The following TMTC2 variants were observed in gnomAD, a reference collection of about 807,000 sequenced individuals.
TMTC2 encodes protein O-mannosyl-transferase TMTC2.
Under a neutral mutation model 82.4 loss-of-function variants are expected in TMTC2, and 43 were observed. The ratio of observed to expected loss-of-function variants is 0.52; its 90% CI spans 0.41 to 0.67. The LOEUF is 0.67. Among genes scored for constraint, TMTC2 ranks in the 30% least tolerant of loss-of-function variants. TMTC2 has a pLI of 0.00. For synonymous variants in TMTC2, 408 were observed against 381.9 expected, an observed-to-expected ratio of 1.07 and a Z score of -0.80; for missense variants, 919 against 1,012.4, an observed-to-expected ratio of 0.91 and a Z score of 1.25.
chr12:83,026,525 A>G (rs1006856482), intron 8 of TMTC2, among the ~76,000 whole-genome samples: 5 of 152,154 alleles, frequency 3.3e-5, no homozygotes, highest in African/African-American at 1.2e-4. Context: ...TTATCAAGAC[A>G]CACTACAGAG....
At chr12:82,967,027 A>G (rs753169591) in intron 7 of TMTC2, 30 bp downstream of exon 7, 3 of 1,545,882 alleles carry the variant, frequency 1.9e-6, no homozygotes, top group Non-Finnish European at 2.7e-6. Context: ...TTTTAAATTG[A>G]TATTTCAGGG....
intron 3 of TMTC2, among the ~76,000 whole-genome samples, chr12:82,906,601 A>G (rs772445371): frequency 2.0e-5 from 3 of 152,216 alleles, no homozygotes; most frequent in Admixed American, 6.5e-5. Context: ...AGGCAGGAGT[A>G]TTGCTTGAAC....
At chr12:82,709,412 C>G (rs188798806) in intron 1 of TMTC2, among the ~76,000 whole-genome samples, 5 of 152,154 alleles carry the variant, frequency 3.3e-5, no homozygotes, top group Admixed American at 6.5e-5. Context: ...AAAATGCTGC[C>G]TTGGATATGA....
intron 1 of TMTC2, among the ~76,000 whole-genome samples, chr12:82,726,353 A>G (rs1219816884): frequency 6.6e-6 from 1 of 152,208 alleles, no homozygotes; most frequent in Admixed American, 6.5e-5. Flanking sequence ...AAGCATACCT[A>G]CCAGATGATA....
At chr12:82,976,417 T>C (rs1878676286) in intron 7 of TMTC2, among the ~76,000 whole-genome samples, 2 of 152,112 alleles carry the variant, frequency 1.3e-5, no homozygotes, top group Admixed American at 6.6e-5. Context: ...AAACACATAT[T>C]TTTTTCCATG....
In TMTC2 at chr12:83,130,599, G is replaced by A. The variant is rs952347139; in HGVS notation, c.2332-1611G>A. 4.6e-5 allele frequency among the ~76,000 whole-genome samples: 7 copies of A among 152,242 alleles called. No homozygotes were observed. In the South Asian group the frequency reaches 1.5e-3, roughly 32 times the overall value. On this transcript the variant is annotated intron_variant, in intron 11 of 11. Transcript: ENST00000321196. ...TAGTTGAAGATTTAAGGGAATTTTA[G>A]TATCTATATCCAGAGACATATGTAG...
chr12:82,837,374 G>A (rs1485825768), intron 1 of TMTC2, among the ~76,000 whole-genome samples: 1 of 152,170 alleles, frequency 6.6e-6, no homozygotes, highest in Non-Finnish European at 1.5e-5. Flanking sequence ...TTGGGAGGCT[G>A]AGGCTGGATG....
intron 1 of TMTC2, among the ~76,000 whole-genome samples, chr12:82,810,194 A>G (rs772640040): frequency 4.0e-5 from 6 of 151,438 alleles, no homozygotes; most frequent in Admixed American, 6.6e-5. Flanking sequence ...CTTTAAAAGC[A>G]TAGAAAAAGT....
chr12:83,055,397 C>A (rs1882500684), intron 10 of TMTC2, among the ~76,000 whole-genome samples: 1 of 151,776 alleles, frequency 6.6e-6, no homozygotes, highest in Non-Finnish European at 1.5e-5. Flanking sequence ...TTTAGTACTT[C>A]AAACAAAGTG....
At chr12:82,834,756 C>T (rs1869936554) in intron 1 of TMTC2, among the ~76,000 whole-genome samples, 1 of 152,122 alleles carries the variant, frequency 6.6e-6, no homozygotes, top group African/African-American at 2.4e-5. Flanking sequence ...GGATGATTTA[C>T]TTAATCATTC....
At chr12:82,988,369 G>A (rs1295165459) in intron 8 of TMTC2, among the ~76,000 whole-genome samples, 1 of 152,156 alleles carries the variant, frequency 6.6e-6, no homozygotes, top group African/African-American at 2.4e-5. Flanking sequence ...GGAGGCAGCT[G>A]ACACAGAAAA....
intron 11 of TMTC2, among the ~76,000 whole-genome samples, chr12:83,107,771 A>ACC (rs11403592): frequency 5.5e-4 from 84 of 152,086 alleles, no homozygotes; most frequent in African/African-American, 1.4e-3. Flanking sequence ...CATCCTTATG[A>ACC]CCCCCCGTGC....
intron 8 of TMTC2, among the ~76,000 whole-genome samples, chr12:83,004,665 T>C (rs1379596957): frequency 1.3e-5 from 2 of 150,004 alleles, no homozygotes; most frequent in East Asian, 2.0e-4. Flanking sequence ...CTGCACGGGA[T>C]CTTTATTTGT....
At chr12:82,990,030 C>T (rs1459089441) in intron 8 of TMTC2, among the ~76,000 whole-genome samples, 1 of 152,058 alleles carries the variant, frequency 6.6e-6, no homozygotes, top group Non-Finnish European at 1.5e-5. Context: ...GGTTTCTTGG[C>T]CTGGTAACAG....
At chr12:82,908,458 CACTT>C (rs1874440132) in intron 3 of TMTC2, among the ~76,000 whole-genome samples, 1 of 152,046 alleles carries the variant, frequency 6.6e-6, no homozygotes. Context: ...AGGTTTTCCT[CACTT>C]AGTCTCTTTG....
chr12:82,781,639 A>G (rs1215799994), intron 1 of TMTC2, among the ~76,000 whole-genome samples: 1 of 151,362 alleles, frequency 6.6e-6, no homozygotes, highest in Non-Finnish European at 1.5e-5. Context: ...CATGCTACAC[A>G]GAAGAAGTAG....
intron 11 of TMTC2, among the ~76,000 whole-genome samples, chr12:83,082,008 A>G (rs1883489696): frequency 6.6e-6 from 1 of 152,222 alleles, no homozygotes; most frequent in Non-Finnish European, 1.5e-5. Flanking sequence ...GGCTTTAATG[A>G]AATTTTATTA....
At chr12:82,915,559 T>C (rs941608257) in intron 3 of TMTC2, among the ~76,000 whole-genome samples, 26 of 152,210 alleles carry the variant, frequency 1.7e-4, no homozygotes, top group Non-Finnish European at 2.8e-4. Flanking sequence ...GGAACATACC[T>C]GATGGCTGGA....
intron 1 of TMTC2, among the ~76,000 whole-genome samples, chr12:82,704,185 T>G (rs574641243): frequency 3.3e-5 from 5 of 152,278 alleles, no homozygotes; most frequent in Admixed American, 2.6e-4. Context: ...TTTAATTAGA[T>G]AGATAATGGA....
Sources: allele counts gnomAD v4.1 joint callset (sites outside exome capture counted in the v4.1 genomes callset), GRCh38; gene constraint gnomAD v4.1.1; transcripts MANE v1.5; gene names NCBI Gene and HGNC (gene_info 2026-07-23, HGNC 2026-07-21).